The following NFIB variants were observed in gnomAD, a reference collection of about 807,000 sequenced individuals.
NFIB encodes nuclear factor I B, also known as nuclear factor 1 B-type.
In NFIB, 11 loss-of-function variants were observed where a neutral mutation model predicts 61.5. The ratio of observed to expected loss-of-function variants is 0.18; its 90% CI spans 0.11 to 0.30. NFIB has a LOEUF of 0.30. Among genes scored for constraint, NFIB ranks in the 10% least tolerant of loss-of-function variants. NFIB has a pLI of 1.00. For synonymous variants in NFIB, 260 were observed against 216.5 expected (o/e 1.20, Z -1.76); for missense variants, 471 against 608.9 (o/e 0.77, Z 2.38).
At chr9:14,401,136 T>C (rs1044155306), upstream of NFIB, among the ~76,000 whole-genome samples, 4 of 152,204 alleles carry the variant, frequency 2.6e-5, no homozygotes, top group Non-Finnish European at 5.9e-5. Flanking sequence ...CAAGTCTTTA[T>C]CAAAAGGCTC....
the NFIB span, among the ~76,000 whole-genome samples, chr9:14,442,578 C>A: frequency 6.6e-6 from 1 of 152,116 alleles, no homozygotes; most frequent in Non-Finnish European, 1.5e-5. Flanking sequence ...AAATCTGTCC[C>A]AGGCCTCTCC....
chr9:14,464,762 G>C, the NFIB span, among the ~76,000 whole-genome samples: 4 of 152,042 alleles, frequency 2.6e-5, no homozygotes, highest in Non-Finnish European at 5.9e-5. Flanking sequence ...GCATGCTTTG[G>C]GACCTGACTG....
At chr9:14,330,260 TTAAATACTTTA>T (rs916444426) in intron 1 of NFIB, among the ~76,000 whole-genome samples, 3 of 152,182 alleles carry the variant, frequency 2.0e-5, no homozygotes, top group African/African-American at 7.2e-5. Flanking sequence ...AACTAAAAAG[TTAAATACTTTA>T]TAATATTCTT....
intron 2 of NFIB, among the ~76,000 whole-genome samples, chr9:14,256,460 A>G (rs776772298): frequency 2.0e-5 from 3 of 152,218 alleles, no homozygotes; most frequent in Non-Finnish European, 2.9e-5. Flanking sequence ...CATAAAGAAG[A>G]AAACATATAA....
intron 2 of NFIB, among the ~76,000 whole-genome samples, chr9:14,196,219 C>A (rs1215614608): frequency 6.6e-6 from 1 of 152,120 alleles, no homozygotes; most frequent in Non-Finnish European, 1.5e-5. Context: ...AAGGCCATTA[C>A]TCCTCCCATG....
At chr9:14,521,674 G>T in the NFIB span, among the ~76,000 whole-genome samples, 1 of 152,120 alleles carries the variant, frequency 6.6e-6, no homozygotes, top group Non-Finnish European at 1.5e-5. Flanking sequence ...TCAGTTAATG[G>T]AATCTTTCAA....
intron 10 of NFIB, among the ~76,000 whole-genome samples, chr9:14,111,649 C>T (rs924775354): frequency 2.6e-5 from 4 of 151,786 alleles, no homozygotes; most frequent in Non-Finnish European, 5.9e-5. Context: ...TAACTCATTT[C>T]GTGTTATAAC....
chr9:14,525,154 G>T, the NFIB span, among the ~76,000 whole-genome samples: 1 of 152,154 alleles, frequency 6.6e-6, no homozygotes, highest in Non-Finnish European at 1.5e-5. Context: ...GCTCTGGAGC[G>T]AGTGTCCTGG....
At position 14,083,733 on chromosome 9, in the gene NFIB, G is replaced by A. The variant is rs1041846285; in HGVS notation, c.*4576C>T. On this transcript the variant is annotated 3_prime_UTR_variant, in exon 11 of 11. Transcript: ENST00000380953. The stretch of plus-strand genomic sequence containing the variant: ...TACATAGAATTTGAATCTAGGTAAA[G>A]AACATGTCCTGCTGTCACACCGCTG... The A allele has an allele frequency of 8.9e-6, 2 of 224,590 alleles. No individual in the cohort carries two copies. The highest frequency in any genetic ancestry group is 2.2e-5 in the African/African-American group (1 of 44,652). 13.9% of individuals were successfully genotyped at this position (224,590 alleles called of 1,614,324 possible).
intron 1 of NFIB, among the ~76,000 whole-genome samples, chr9:14,389,729 T>C (rs944448991): frequency 4.0e-5 from 6 of 148,576 alleles, no homozygotes; most frequent in African/African-American, 1.5e-4. Flanking sequence ...GTAATCAGTG[T>C]GGCCTTTCCC....
Position 14,183,314 on chromosome 9 carries a change from T to C in NFIB, c.563-3534A>G, listed in dbSNP as rs180844440. On this transcript the variant is annotated intron_variant, in intron 2 of 10. Coordinates refer to ENST00000380953, the MANE Select transcript of NFIB (RefSeq NM_001190737.2). ...GTAGATACCAGCCAGTTGATGAAAA[T>C]TACCTTCCAGAAGGCTGAAGTCTTT... 8.0e-4 allele frequency among the ~76,000 whole-genome samples: 122 copies of C among 152,206 alleles called. No homozygotes were observed. In the Middle Eastern group the frequency reaches 0.017, roughly 21 times the overall value.
the NFIB span, among the ~76,000 whole-genome samples, chr9:14,449,849 G>A: frequency 2.6e-5 from 4 of 152,124 alleles, no homozygotes; most frequent in East Asian, 1.9e-4. Context: ...CATGAGAATC[G>A]TTTCAACCCA....
At chr9:14,441,024 A>C in the NFIB span, among the ~76,000 whole-genome samples, 1 of 152,092 alleles carries the variant, frequency 6.6e-6, no homozygotes, top group Non-Finnish European at 1.5e-5. Context: ...TTATAAGATG[A>C]AGCCAGATTT....
In NFIB at chr9:14,394,382, A is replaced by G. The variant is rs531249916; in HGVS notation, c.108+4142T>C. Among the ~76,000 whole-genome samples the G allele has an allele frequency of 4.0e-3, 607 of 152,302 alleles. 2 individuals are homozygous for G. Among genetic ancestry groups the G allele is most frequent in the Middle Eastern group, 6.8e-3 (2 of 294 alleles). On this transcript the variant is annotated intron_variant, in intron 1 of 8. Transcript: ENST00000380934. The stretch of plus-strand genomic sequence containing the variant: ...CATACCTGAAACTGGGTAATTTATA[A>G]AGGAAAGAGGTTTAATGGACTCACA...
intron 1 of NFIB, among the ~76,000 whole-genome samples, chr9:14,383,200 T>C (rs947125436): frequency 1.3e-5 from 2 of 152,238 alleles, no homozygotes; most frequent in African/African-American, 2.4e-5. Flanking sequence ...TTATCTAATA[T>C]GTGAAGTTTA....
At chr9:14,472,488 A>G in the NFIB span, among the ~76,000 whole-genome samples, 1 of 152,224 alleles carries the variant, frequency 6.6e-6, no homozygotes, top group Non-Finnish European at 1.5e-5. Flanking sequence ...ACAAAATAAA[A>G]TGTGTAGCTT....
chr9:14,353,433 G>C (rs542834300), intron 1 of NFIB, among the ~76,000 whole-genome samples: 1 of 152,126 alleles, frequency 6.6e-6, no homozygotes, highest in Non-Finnish European at 1.5e-5. Flanking sequence ...TTGGCAGAGC[G>C]GGGGAGCTCC....
intron 2 of NFIB, among the ~76,000 whole-genome samples, chr9:14,258,250 G>A (rs1021946553): frequency 3.3e-5 from 5 of 152,204 alleles, no homozygotes; most frequent in African/African-American, 1.2e-4. Flanking sequence ...CCAATAGGCT[G>A]TTTAACCTTG....
intron 4 of NFIB, among the ~76,000 whole-genome samples, chr9:14,152,161 T>C (rs2042937417): frequency 6.6e-6 from 1 of 152,100 alleles, no homozygotes; most frequent in Admixed American, 6.6e-5. Flanking sequence ...AGTATATACA[T>C]GACTAGTAAC....
Sources: allele counts gnomAD v4.1 joint callset (sites outside exome capture counted in the v4.1 genomes callset), GRCh38; gene constraint gnomAD v4.1.1; transcripts MANE v1.5; gene names NCBI Gene and HGNC (gene_info 2026-07-23, HGNC 2026-07-21).